TEN1: variants seen among roughly 807,000 people sequenced by gnomAD.
TEN1 encodes the protein CST complex subunit TEN1.
In TEN1, 6 loss-of-function variants were observed where a neutral mutation model predicts 9.3. The ratio of observed to expected loss-of-function variants is 0.65; its 90% CI spans 0.35 to 1.27. The LOEUF (loss-of-function observed/expected upper bound fraction) is 1.27. Among genes scored for constraint, TEN1 ranks in the 50% most tolerant of loss-of-function variants. The pLI, the probability that TEN1 is intolerant of heterozygous loss-of-function variation, is 0.03. For missense variants in TEN1, 149 were observed against 158.2 expected (o/e 0.94, Z 0.31); for synonymous variants, 65 against 65.6 (o/e 0.99, Z 0.04).
chr17:75,999,969 C>T (rs2066243634), intron 3 of TEN1, among the ~76,000 whole-genome samples, 172 bp from the exon 4 acceptor site: 1 of 152,114 alleles, frequency 6.6e-6, no homozygotes, highest in Non-Finnish European at 1.5e-5. Context: ...GACAGGCCCA[C>T]GGTTCTAGGC....
intron 3 of TEN1, among the ~76,000 whole-genome samples, chr17:75,998,043 G>T (rs538509756): frequency 6.6e-6 from 1 of 152,076 alleles, no homozygotes; most frequent in East Asian, 1.9e-4. Context: ...GTAGAGACAG[G>T]GTTTCACCAT....
At chr17:75,991,714 A>C in intron 3 of TEN1, 91 bp downstream of exon 3, 1 of 1,387,260 alleles carries the variant, frequency 7.2e-7, no homozygotes, top group Non-Finnish European at 9.7e-7. Context: ...CTCGTGACCC[A>C]ACAGCAATGT....
chr17:75,990,081 T>C (rs879484632), intron 2 of TEN1, among the ~76,000 whole-genome samples: 2 of 151,232 alleles, frequency 1.3e-5, no homozygotes, highest in Non-Finnish European at 2.9e-5. Flanking sequence ...AGTCTTGCTC[T>C]GTTGCCCAGA....
chr17:75,993,821 C>G (rs1428283270), intron 3 of TEN1, among the ~76,000 whole-genome samples: 1 of 151,864 alleles, frequency 6.6e-6, no homozygotes, highest in African/African-American at 2.4e-5. Flanking sequence ...ATGGCGAAAC[C>G]CCGTCTCTAC....
chr17:75,989,941 C>T (rs1487199144), intron 2 of TEN1, among the ~76,000 whole-genome samples: 1 of 151,246 alleles, frequency 6.6e-6, no homozygotes, highest in Non-Finnish European at 1.5e-5. Context: ...GAGACGGCAT[C>T]TCGCTGTATT....
intron 3 of TEN1, among the ~76,000 whole-genome samples, chr17:75,999,038 G>GA (rs1291932552): frequency 1.3e-5 from 2 of 150,752 alleles, no homozygotes; most frequent in East Asian, 3.9e-4. Context: ...TATGACTGGG[G>GA]AAAAAAGAAA....
intron 1 of TEN1, 75 bp from the exon 2 acceptor site, chr17:75,986,112 T>A: frequency 8.6e-7 from 1 of 1,164,242 alleles, no homozygotes; most frequent in Non-Finnish European, 1.2e-6. Flanking sequence ...GTCTCATATA[T>A]CTGCTAATCT....
chr17:75,998,138 C>T (rs1472143994), intron 3 of TEN1, among the ~76,000 whole-genome samples: 3 of 150,988 alleles, frequency 2.0e-5, no homozygotes, highest in Non-Finnish European at 2.9e-5. Flanking sequence ...AGATGTGAGC[C>T]ACTGCGCCTG....
Position 75,986,246 on chromosome 17 carries a change from C to T in TEN1, c.54C>T (p.Gly18=). The T allele has an allele frequency of 1.3e-6, 2 of 1,550,120 alleles. No individual in the cohort carries two copies. Among genetic ancestry groups the T allele is most frequent in the Non-Finnish European group, 1.7e-6 (2 of 1,146,262 alleles). ...ACCTCCCCTGGGAGGTTAGTGCAGG[C>T]CAAGTTCCTGATGGGAGCACGCTGA... ...TYYLPWEVSA[G]QVPDGSTLRT... The change falls in exon 2 of 4, where the codon GGC becomes GGT. Residue 18 remains glycine (G), a synonymous_variant. Coordinates refer to ENST00000397640, the MANE Select transcript of TEN1 (RefSeq NM_001113324.3).
In TEN1 at chr17:75,985,365, C is replaced by G. The variant is rs138608895; in HGVS notation, c.-6-822C>G. On this transcript the variant is annotated intron_variant, in intron 1 of 3. Transcript: ENST00000397640. Reference sequence around the variant, plus strand: ...CTGTTGCCATGTTGCCCAGACTGGTCCCGAATTCCTAGTCTCAAGGGATCC... The same window carrying G: ...CTGTTGCCATGTTGCCCAGACTGGTGCCGAATTCCTAGTCTCAAGGGATCC... Among the ~76,000 whole-genome samples the G allele has an allele frequency of 1.8e-4, 28 of 152,122 alleles. 2 individuals are homozygous for G. In the East Asian group the frequency reaches 5.4e-3, roughly 29 times the overall value.
At chr17:75,989,572 C>T (rs897041031) in intron 2 of TEN1, among the ~76,000 whole-genome samples, 1 of 149,776 alleles carries the variant, frequency 6.7e-6, no homozygotes, top group Non-Finnish European at 1.5e-5. Flanking sequence ...CCACCACACC[C>T]AGCTAATTTT....
At chr17:75,995,841 C>T (rs1009436220) in intron 3 of TEN1, among the ~76,000 whole-genome samples, 3 of 152,166 alleles carry the variant, frequency 2.0e-5, no homozygotes, top group Non-Finnish European at 4.4e-5. Context: ...GCTCACTAAT[C>T]TAGCATGTTC....
In TEN1 at chr17:76,000,157, G is replaced by A; in HGVS notation, c.267G>A (p.Val89=). The A allele has an allele frequency of 1.3e-6, 2 of 1,551,284 alleles. No homozygotes were observed. Among genetic ancestry groups the A allele is most frequent in the Non-Finnish European group, 8.7e-7 (1 of 1,146,786 alleles). The change falls in exon 4 of 4, where the codon GTG becomes GTA. Residue 89 remains valine (V), a synonymous_variant. Coordinates refer to ENST00000397640, the MANE Select transcript of TEN1 (RefSeq NM_001113324.3). The surrounding 1 kb of genome is among the most constrained non-coding windows in gnomAD (Gnocchi z 5.9). Reference sequence around the variant, plus strand: ...GTCTTGCAGACAGAGGCTCCGTGGTGAAGGCGCGCGTGCTGACCTGTGTGG... The same window carrying A: ...GTCTTGCAGACAGAGGCTCCGTGGTAAAGGCGCGCGTGCTGACCTGTGTGG... The part of the protein sequence containing the change: ...LQHQQDRGSV[V]KARVLTCVEG...
chr17:75,993,686 T>C (rs927838235), intron 3 of TEN1, among the ~76,000 whole-genome samples: 4 of 152,110 alleles, frequency 2.6e-5, no homozygotes, highest in East Asian at 1.9e-4. Flanking sequence ...AACACCTCTG[T>C]TGGGTTCTTG....
intron 2 of TEN1, among the ~76,000 whole-genome samples, chr17:75,990,235 G>C (rs949908603): frequency 1.3e-5 from 2 of 151,486 alleles, no homozygotes; most frequent in Admixed American, 1.3e-4. Flanking sequence ...TTTTAGTAGA[G>C]ACAGGGTTTC....
chr17:75,983,616 A>G (rs1399569941), intron 1 of TEN1, among the ~76,000 whole-genome samples: 1 of 152,232 alleles, frequency 6.6e-6, no homozygotes, highest in Non-Finnish European at 1.5e-5. Context: ...AAGAAAGACT[A>G]ATTGACACAA....
chr17:75,992,957 T>C (rs1567898024), intron 3 of TEN1, among the ~76,000 whole-genome samples: 1 of 140,478 alleles, frequency 7.1e-6, no homozygotes, highest in African/African-American at 2.7e-5. Flanking sequence ...TTCTTACTGC[T>C]GGTTTTTTTT....
chr17:75,992,733 T>C (rs964722438), intron 3 of TEN1, among the ~76,000 whole-genome samples: 1 of 151,190 alleles, frequency 6.6e-6, no homozygotes, highest in Non-Finnish European at 1.5e-5. Flanking sequence ...AGGATGGTCT[T>C]GATCTCCTGA....
At chr17:75,997,779 T>G (rs985263137) in intron 3 of TEN1, among the ~76,000 whole-genome samples, 1 of 151,950 alleles carries the variant, frequency 6.6e-6, no homozygotes, top group Non-Finnish European at 1.5e-5. Flanking sequence ...CCCCTTCCTC[T>G]TCCCAGGCCT....
Sources: allele counts gnomAD v4.1 joint callset (sites outside exome capture counted in the v4.1 genomes callset), GRCh38; gene constraint gnomAD v4.1.1; non-coding constraint Gnocchi (gnomAD v3.1); transcripts MANE v1.5; gene names NCBI Gene and HGNC (gene_info 2026-07-23, HGNC 2026-07-21).